ACTR3C: variants seen among roughly 807,000 people sequenced by gnomAD.
The protein encoded by ACTR3C is actin-related protein 3C.
A neutral mutation model predicts 26.3 loss-of-function variants in ACTR3C; 18 were observed. The observed-to-expected ratio is 0.68, with a 90% CI of 0.47 to 1.01. The LOEUF (loss-of-function observed/expected upper bound fraction) is 1.01. ACTR3C is among the 50% of genes least tolerant of loss of function. ACTR3C has a pLI of 0.00. For synonymous variants in ACTR3C, 55 were observed against 94.5 expected (o/e 0.58, Z 2.42); for missense variants, 184 against 250.7 (o/e 0.73, Z 1.80).
At chr7:149,979,186 T>C in the ACTR3C span, among the ~76,000 whole-genome samples, 1 of 152,190 alleles carries the variant, frequency 6.6e-6, no homozygotes, top group Non-Finnish European at 1.5e-5. Flanking sequence ...TCTTCTAAGC[T>C]CAGGACATTT....
At chr7:150,188,249 A>C in the ACTR3C span, among the ~76,000 whole-genome samples, 2 of 152,296 alleles carry the variant, frequency 1.3e-5, no homozygotes, top group East Asian at 3.9e-4. Context: ...TTCACTTAGC[A>C]TATTTTTTCT....
chr7:149,994,900 G>T, the ACTR3C span, among the ~76,000 whole-genome samples: 1 of 148,500 alleles, frequency 6.7e-6, no homozygotes, highest in African/African-American at 2.5e-5. Context: ...TGTTGCCCAG[G>T]CTGGAGTGCA....
the ACTR3C span, among the ~76,000 whole-genome samples, chr7:149,965,140 A>C: frequency 2.7e-5 from 4 of 150,188 alleles, no homozygotes; most frequent in East Asian, 7.8e-4. Context: ...AGTTTCATGA[A>C]ATTGTTTATT....
the ACTR3C span, among the ~76,000 whole-genome samples, chr7:150,110,135 G>A: frequency 1.1e-4 from 13 of 121,108 alleles, no homozygotes; most frequent in Middle Eastern, 3.6e-3. Flanking sequence ...CAAACAATAG[G>A]AACTGGTACT....
chr7:150,176,906 A>G, the ACTR3C span, among the ~76,000 whole-genome samples: 1 of 151,000 alleles, frequency 6.6e-6, no homozygotes, highest in Non-Finnish European at 1.5e-5. Context: ...TATAAAAATT[A>G]GTTACTGAAA....
chr7:150,149,399 G>T, the ACTR3C span, among the ~76,000 whole-genome samples: 4 of 151,654 alleles, frequency 2.6e-5, no homozygotes, highest in African/African-American at 4.9e-5. Flanking sequence ...CAACGTGCAG[G>T]TTTATTACAT....
the ACTR3C span, among the ~76,000 whole-genome samples, chr7:150,141,835 T>TA: frequency 6.6e-6 from 1 of 151,734 alleles, no homozygotes; most frequent in Non-Finnish European, 1.5e-5. Flanking sequence ...TTCTTGAGGG[T>TA]TTTTTTAATG....
At chr7:150,250,376 TG>T in intron 6 of ACTR3C, among the ~76,000 whole-genome samples, 1 of 151,810 alleles carries the variant, frequency 6.6e-6, no homozygotes, top group Admixed American at 6.5e-5. Flanking sequence ...GCTAATTTTT[TG>T]TATTTTTACT....
rs147416985 is a variant in ACTR3C at position 150,275,003 on chromosome 7, C to A, written c.564+9750G>T. On this transcript the variant is annotated intron_variant, in intron 6 of 7. Coordinates refer to ENST00000683684, the MANE Select transcript of ACTR3C (RefSeq NM_001164458.2). ...CTGCAACTGGAAATCCAAACGCATT[C>A]AAAAACTGGCTAAGGCAGGTCAGCA... is the stretch of plus-strand genomic sequence containing the variant. Among the ~76,000 whole-genome samples, 1,328 of 152,280 alleles carry A rather than the reference C, an allele frequency of 8.7e-3. 18 individuals are homozygous for A. The highest frequency in any genetic ancestry group is 0.03 in the African/African-American group (1,263 of 41,536).
the ACTR3C span, among the ~76,000 whole-genome samples, chr7:149,901,020 G>A: frequency 9.9e-5 from 15 of 152,146 alleles, no homozygotes; most frequent in East Asian, 5.8e-4. Flanking sequence ...GCAACAAAGC[G>A]AGATTCTGTC....
chr7:150,083,806 C>T, the ACTR3C span, among the ~76,000 whole-genome samples: 1 of 152,196 alleles, frequency 6.6e-6, no homozygotes, highest in African/African-American at 2.4e-5. Flanking sequence ...GCTGTTTTCT[C>T]TCAGTTCACT....
At chr7:150,100,096 G>A in the ACTR3C span, among the ~76,000 whole-genome samples, 1 of 151,588 alleles carries the variant, frequency 6.6e-6, no homozygotes, top group Non-Finnish European at 1.5e-5. Flanking sequence ...TATAGAGACT[G>A]GAACCTCTGT....
chr7:150,198,833 G>T, the ACTR3C span, among the ~76,000 whole-genome samples: 1 of 142,284 alleles, frequency 7.0e-6, no homozygotes, highest in African/African-American at 2.7e-5. Flanking sequence ...CCGGCCAGCC[G>T]CCCCGTCTGG....
chr7:149,966,436 AG>A, the ACTR3C span, among the ~76,000 whole-genome samples: 1 of 152,230 alleles, frequency 6.6e-6, no homozygotes, highest in African/African-American at 2.4e-5. Flanking sequence ...GCACTCAAGA[AG>A]GTCTTTAAAA....
chr7:150,158,777 G>A, the ACTR3C span, among the ~76,000 whole-genome samples: 1 of 151,932 alleles, frequency 6.6e-6, no homozygotes, highest in Admixed American at 6.6e-5. Context: ...GATCTTAAAT[G>A]TTCTCATCAC....
the ACTR3C span, among the ~76,000 whole-genome samples, chr7:149,991,636 G>A: frequency 3.3e-5 from 5 of 152,166 alleles, no homozygotes; most frequent in Admixed American, 1.3e-4. Context: ...CCTCAGGCCC[G>A]GTCTCTCCCA....
chr7:150,289,612 C>G lies in ACTR3C; in HGVS notation c.154-19G>C. Reference sequence around the variant, plus strand: ...CTTCTGCCTAGGGAAGAAGAGGAGGCAGAACAGCTGTGTTAGTGATTTCGT... The same window carrying G: ...CTTCTGCCTAGGGAAGAAGAGGAGGGAGAACAGCTGTGTTAGTGATTTCGT... On this transcript the variant is annotated intron_variant, in intron 3 of 7. Transcript: ENST00000683684. 1 of 1,564,628 alleles carries G rather than the reference C, an allele frequency of 6.4e-7. No individual in the cohort carries two copies. The highest frequency in any genetic ancestry group is 8.7e-7 in the Non-Finnish European group (1 of 1,152,804).
chr7:150,207,746 T>G, the ACTR3C span, among the ~76,000 whole-genome samples: 1 of 152,208 alleles, frequency 6.6e-6, no homozygotes, highest in Admixed American at 6.5e-5. Flanking sequence ...TGACACGCTT[T>G]TCATTTCATA....
chr7:150,033,833 G>C, the ACTR3C span, among the ~76,000 whole-genome samples: 10 of 151,576 alleles, frequency 6.6e-5, no homozygotes, highest in African/African-American at 1.7e-4. Flanking sequence ...TCCCTGCCTC[G>C]TGGGGGGTGC....
Sources: gnomAD v4.1 joint callset for allele counts (sites outside exome capture counted in the v4.1 genomes callset) on GRCh38, gnomAD v4.1.1 for gene constraint, MANE v1.5 for transcripts, NCBI Gene and HGNC (gene_info 2026-07-23, HGNC 2026-07-21) for gene names.